Variants in LPP observed in about 807,000 individuals in gnomAD.
LPP encodes LIM domain containing preferred translocation partner in lipoma.
A neutral mutation model predicts 60.4 loss-of-function variants in LPP; 38 were observed. The ratio of observed to expected loss-of-function variants is 0.63; its 90% confidence interval spans 0.49 to 0.83. The LOEUF (loss-of-function observed/expected upper bound fraction) is 0.83, where lower values mean the gene tolerates loss of function less well. Ranked by LOEUF, LPP falls within the 40% of genes least tolerant of loss-of-function variation. LPP has a pLI of 0.00. For synonymous variants in LPP, 328 were observed against 290.8 expected (o/e 1.13, Z -1.30); for missense variants, 902 against 783.6 (o/e 1.15, Z -1.80).
chr3:188,423,207 T>G (rs977823498), intron 4 of LPP, among the ~76,000 whole-genome samples: 2 of 152,128 alleles, frequency 1.3e-5, no homozygotes, highest in African/African-American at 2.4e-5. Context: ...GTGTTTGGTT[T>G]TCTGTTCCTG....
At chr3:188,240,955 A>G (rs552856454) in intron 2 of LPP, among the ~76,000 whole-genome samples, 3 of 152,302 alleles carry the variant, frequency 2.0e-5, no homozygotes, top group East Asian at 1.9e-4. Context: ...CCTTAACTAT[A>G]TGATTCTTTT....
intron 2 of LPP, among the ~76,000 whole-genome samples, chr3:188,270,546 C>A (rs1737394542): frequency 6.6e-6 from 1 of 152,108 alleles, no homozygotes; most frequent in African/African-American, 2.4e-5. Flanking sequence ...ACATTCATAC[C>A]CAAGGCCTGA....
At chr3:188,865,478 T>C (rs1766338624) in intron 9 of LPP, among the ~76,000 whole-genome samples, 1 of 152,244 alleles carries the variant, frequency 6.6e-6, no homozygotes, top group South Asian at 2.1e-4. Flanking sequence ...GCATTTAGCA[T>C]GCTCTGTCTC....
chr3:188,792,210 T>C (rs1161739530), intron 9 of LPP, among the ~76,000 whole-genome samples: 1 of 152,172 alleles, frequency 6.6e-6, no homozygotes, highest in Non-Finnish European at 1.5e-5. Flanking sequence ...CTTCAAGATT[T>C]TGTGTAACAG....
At chr3:188,508,029 G>T (rs920785385) in intron 5 of LPP, among the ~76,000 whole-genome samples, 1 of 152,186 alleles carries the variant, frequency 6.6e-6, no homozygotes, top group African/African-American at 2.4e-5. Flanking sequence ...TATTTAGATG[G>T]ATTGCTATAA....
intron 1 of LPP, among the ~76,000 whole-genome samples, chr3:188,174,025 G>T (rs1344116443): frequency 6.6e-6 from 1 of 152,186 alleles, no homozygotes; most frequent in Non-Finnish European, 1.5e-5. Context: ...CCCTGTGAAA[G>T]TTAAGCAAAC....
intron 4 of LPP, among the ~76,000 whole-genome samples, chr3:188,450,581 C>G (rs1030053287): frequency 2.6e-5 from 4 of 152,004 alleles, no homozygotes; most frequent in African/African-American, 7.3e-5. Context: ...TCCTTCTCTA[C>G]TAAAAATACA....
chr3:188,382,983 A>G (rs1777294532), intron 3 of LPP, among the ~76,000 whole-genome samples: 3 of 152,166 alleles, frequency 2.0e-5, no homozygotes, highest in Admixed American at 2.0e-4. Context: ...ATAGGATCCA[A>G]CTGCCTCATA....
chr3:188,496,125 G>C (rs760701969), intron 5 of LPP, among the ~76,000 whole-genome samples: 2 of 151,186 alleles, frequency 1.3e-5, no homozygotes, highest in African/African-American at 2.4e-5. Flanking sequence ...TTTCAAAATT[G>C]ACGTCTTTTT....
At chr3:188,201,510 C>A (rs1486219739) in intron 1 of LPP, among the ~76,000 whole-genome samples, 1 of 152,138 alleles carries the variant, frequency 6.6e-6, no homozygotes, top group African/African-American at 2.4e-5. Context: ...AGTTCGAGAC[C>A]AGCCTGGCCA....
At chr3:188,684,798 C>T (rs17607589) in intron 7 of LPP, among the ~76,000 whole-genome samples, 19,950 of 151,294 alleles carry the variant, frequency 0.13, 1,481 homozygotes, top group Non-Finnish European at 0.17. Flanking sequence ...TGTCATCTCT[C>T]ATGCATGGTA....
rs1022405293 is a variant in LPP at position 188,818,051 on chromosome 3, A to G, written c.1411-48149A>G. Among the ~76,000 whole-genome samples, 16 of 152,182 alleles carry G rather than the reference A, an allele frequency of 1.1e-4. 1 individual carries two copies. The East Asian group carries it at 1.3e-3, about 13-fold the overall frequency. ...GCTAGTGAGGTCCTGTAGGTCTACAAGTTACTAACTTCAGGCTTACAGAAT... is the reference window on the plus strand; with the variant it reads ...GCTAGTGAGGTCCTGTAGGTCTACAGGTTACTAACTTCAGGCTTACAGAAT... On this transcript the variant is annotated intron_variant, in intron 9 of 11. Transcript: ENST00000617246.
intron 6 of LPP, among the ~76,000 whole-genome samples, chr3:188,571,873 T>TA (rs1489359790): frequency 1.3e-5 from 2 of 152,110 alleles, no homozygotes; most frequent in Non-Finnish European, 2.9e-5. Context: ...TCCTCTCACA[T>TA]ATGTCATCAA....
At chr3:188,519,396 A>T (rs895463061) in intron 5 of LPP, among the ~76,000 whole-genome samples, 2 of 152,206 alleles carry the variant, frequency 1.3e-5, no homozygotes, top group Non-Finnish European at 2.9e-5. Context: ...AATTATTTTA[A>T]AAGTTGGCTT....
intron 9 of LPP, among the ~76,000 whole-genome samples, chr3:188,820,604 A>G (rs1753711399): frequency 6.6e-6 from 1 of 152,198 alleles, no homozygotes; most frequent in Non-Finnish European, 1.5e-5. Context: ...TTTCTAACAT[A>G]TCCCAACTTA....
chr3:188,640,402 A>G (rs1456350516), intron 7 of LPP, among the ~76,000 whole-genome samples: 1 of 146,174 alleles, frequency 6.8e-6, no homozygotes, highest in African/African-American at 2.5e-5. Flanking sequence ...TAGCATTGGG[A>G]GATATACCTA....
intron 2 of LPP, among the ~76,000 whole-genome samples, chr3:188,291,786 T>G (rs1332492709): frequency 6.6e-6 from 1 of 152,144 alleles, no homozygotes; most frequent in East Asian, 1.9e-4. Flanking sequence ...AAGGCAGGGT[T>G]TATCATTATT....
rs575134297 is a variant in LPP at position 188,372,931 on chromosome 3, C to G, written c.-10+31212C>G. The stretch of plus-strand genomic sequence containing the variant: ...GTCCATGTGTTCTCATTGTTCAATT[C>G]CCACCTATGAGTGAGAACATGCGGT... On this transcript the variant is annotated intron_variant, in intron 3 of 11. Coordinates refer to ENST00000617246, the MANE Select transcript of LPP (RefSeq NM_001375462.1). 4.4e-3 allele frequency among the ~76,000 whole-genome samples: 667 copies of G among 151,818 alleles called. 8 individuals carry two copies. Among genetic ancestry groups the G allele is most frequent in the African/African-American group, 0.015 (614 of 41,420 alleles).
At chr3:188,164,315 T>C (rs1397568223) in intron 1 of LPP, among the ~76,000 whole-genome samples, 2 of 152,174 alleles carry the variant, frequency 1.3e-5, no homozygotes, top group Admixed American at 1.3e-4. Flanking sequence ...TTATTTTCCA[T>C]CCAGTGGCCC....
Sources: gnomAD v4.1 joint callset for allele counts (sites outside exome capture counted in the v4.1 genomes callset) on GRCh38, gnomAD v4.1.1 for gene constraint, MANE v1.5 for transcripts, NCBI Gene and HGNC (gene_info 2026-07-23, HGNC 2026-07-21) for gene names.